PTPRO: variants seen among roughly 807,000 people sequenced by gnomAD.
PTPRO encodes receptor-type tyrosine-protein phosphatase O.
A neutral mutation model predicts 145.2 loss-of-function variants in PTPRO; 62 were observed. That is an observed-to-expected ratio of 0.43 (90% CI 0.35 to 0.53). The LOEUF is 0.53. Among genes scored for constraint, PTPRO ranks in the 20% least tolerant of loss-of-function variants. PTPRO has a pLI of 0.01. For missense variants in PTPRO, 1,345 were observed against 1,482.7 expected, an observed-to-expected ratio of 0.91 and a Z score of 1.53; for synonymous variants, 565 against 514.7, an observed-to-expected ratio of 1.10 and a Z score of -1.32.
intron 1 of PTPRO, among the ~76,000 whole-genome samples, chr12:15,406,093 C>CA (rs1939640588): frequency 6.6e-6 from 1 of 152,162 alleles, no homozygotes; most frequent in South Asian, 2.1e-4. Context: ...TACCATCCCA[C>CA]AAGAAGTCAG....
At chr12:15,517,637 C>T (rs1942627321) in intron 9 of PTPRO, among the ~76,000 whole-genome samples, 1 of 152,166 alleles carries the variant, frequency 6.6e-6, no homozygotes, top group Admixed American at 6.5e-5. Flanking sequence ...CAGGCATTGA[C>T]ACAGCTGTTC....
chr12:15,499,457 A>G lies in PTPRO; in HGVS notation c.524A>G (p.Lys175Arg), dbSNP rs904060085. Residue 175 changes from lysine to arginine, a missense_variant, in exon 4 of 27, where the codon AAA (lysine) becomes AGA (arginine). Physicochemically the swap from Lys to Arg is conservative, Grantham distance 26. Coordinates refer to ENST00000281171, the MANE Select transcript of PTPRO (RefSeq NM_030667.3). ...CTCTTCACAGATTTCTTTAAGGGAA[A>G]AACAGTATTTAATCACTGGCTGCCA... ...TMLYKDFFKG[K>R]TVFNHWLPGM... 1 of 1,613,470 alleles carries G rather than the reference A, an allele frequency of 6.2e-7. No individual in the cohort carries two copies. Among genetic ancestry groups the G allele is most frequent in the Admixed American group, 1.7e-5 (1 of 60,018 alleles).
At chr12:15,573,562 T>C (rs1944109584) in intron 19 of PTPRO, among the ~76,000 whole-genome samples, 1 of 152,214 alleles carries the variant, frequency 6.6e-6, no homozygotes, top group Non-Finnish European at 1.5e-5. Flanking sequence ...ATGTAATTAA[T>C]TGGGTGGTAA....
Position 15,455,314 on chromosome 12 carries a change from C to G in PTPRO, c.76-28660C>G, listed in dbSNP as rs543515756. 9.9e-5 allele frequency among the ~76,000 whole-genome samples: 15 copies of G among 151,856 alleles called. No homozygotes were observed. In the South Asian group the frequency reaches 1.9e-3, roughly 19 times the overall value. Reference sequence around the variant, plus strand: ...TTCACCTCCCCACTGCCCCTTCCCCCCCACACACACAATACCTGAAATCTC... The same window carrying G: ...TTCACCTCCCCACTGCCCCTTCCCCGCCACACACACAATACCTGAAATCTC... On this transcript the variant is annotated intron_variant, in intron 1 of 26. Coordinates refer to ENST00000281171, the MANE Select transcript of PTPRO (RefSeq NM_030667.3).
At chr12:15,383,603 C>G (rs4435054) in intron 1 of PTPRO, among the ~76,000 whole-genome samples, 2 of 152,102 alleles carry the variant, frequency 1.3e-5, no homozygotes, top group East Asian at 3.9e-4. Context: ...TGGGTTACAC[C>G]TTAATTTTAA....
chr12:15,477,376 A>G (rs1941678760), intron 1 of PTPRO, among the ~76,000 whole-genome samples: 1 of 141,618 alleles, frequency 7.1e-6, no homozygotes, highest in South Asian at 2.5e-4. Flanking sequence ...GGGGAGGGAT[A>G]GCATTGGGAG....
At chr12:15,412,218 C>T (rs540798926) in intron 1 of PTPRO, among the ~76,000 whole-genome samples, 2 of 152,320 alleles carry the variant, frequency 1.3e-5, no homozygotes, top group African/African-American at 4.8e-5. Flanking sequence ...GCTACTCCTC[C>T]TTTTGAAAAC....
chr12:15,556,508 GAA>G (rs75654902), intron 15 of PTPRO, among the ~76,000 whole-genome samples: 2 of 135,518 alleles, frequency 1.5e-5, no homozygotes, highest in African/African-American at 2.7e-5. Context: ...TCTACTTCTG[GAA>G]AAAAAAAAAA....
chr12:15,399,599 G>A (rs373965413), intron 1 of PTPRO, among the ~76,000 whole-genome samples: 3 of 152,030 alleles, frequency 2.0e-5, no homozygotes, highest in Non-Finnish European at 2.9e-5. Flanking sequence ...ACATATAATC[G>A]TTAATTAATG....
chr12:15,581,787 TTCCGGA>T lies in PTPRO; in HGVS notation c.3244_3249del (p.Arg1082_Ile1083del). On this transcript the variant is annotated inframe_deletion, in exon 23 of 27. Transcript: ENST00000281171. ...GCAGGACGACTGGGCCTGTAGACACTTCCGGATCAACTATGTAAGTCACCAGGCAGA... is the reference window on the plus strand; with the variant it reads ...GCAGGACGACTGGGCCTGTAGACACTTCAACTATGTAAGTCACCAGGCAGA... 6.2e-7 allele frequency: 1 copy of T among 1,613,924 alleles called. No individual in the cohort carries two copies. The highest frequency in any genetic ancestry group is 8.5e-7 in the Non-Finnish European group (1 of 1,179,860).
At chr12:15,504,730 T>C (rs1942287852) in intron 6 of PTPRO, among the ~76,000 whole-genome samples, 1 of 152,212 alleles carries the variant, frequency 6.6e-6, no homozygotes, top group Non-Finnish European at 1.5e-5. Context: ...TCAGGAGTTA[T>C]ATGTGCCTCC....
intron 1 of PTPRO, among the ~76,000 whole-genome samples, chr12:15,406,143 C>T (rs551415235): frequency 6.6e-6 from 1 of 152,226 alleles, no homozygotes; most frequent in East Asian, 1.9e-4. Context: ...CATCAGAGTC[C>T]ATTGTTGTAT....
At chr12:15,580,955 A>G (rs1944298886) in intron 22 of PTPRO, 124 bp downstream of exon 22, 1 of 1,334,304 alleles carries the variant, frequency 7.5e-7, no homozygotes, top group Non-Finnish European at 1.1e-6. Flanking sequence ...AATTTAAAAC[A>G]TTGTATTCGG....
At chr12:15,361,468 A>G (rs1938209347) in intron 1 of PTPRO, among the ~76,000 whole-genome samples, 1 of 151,624 alleles carries the variant, frequency 6.6e-6, no homozygotes, top group African/African-American at 2.4e-5. Flanking sequence ...AGAAAGAAAA[A>G]GAAAAAACAA....
At chr12:15,561,060 T>G (rs1057137175) in intron 17 of PTPRO, among the ~76,000 whole-genome samples, 1 of 152,114 alleles carries the variant, frequency 6.6e-6, no homozygotes, top group Non-Finnish European at 1.5e-5. Flanking sequence ...AATTAAGAAC[T>G]CTTTCTTTTC....
chr12:15,432,652 C>T (rs536792929), intron 1 of PTPRO, among the ~76,000 whole-genome samples: 2 of 152,198 alleles, frequency 1.3e-5, no homozygotes, highest in Non-Finnish European at 1.5e-5. Flanking sequence ...TCTCCGCAAC[C>T]TTGCCAGTAT....
chr12:15,377,117 G>A (rs182031652), intron 1 of PTPRO, among the ~76,000 whole-genome samples: 106 of 152,128 alleles, frequency 7.0e-4, no homozygotes, highest in Admixed American at 6.2e-3. Flanking sequence ...TTAACTTAGC[G>A]TTAATATGAA....
chr12:15,550,219 T>C (rs1313119294), intron 14 of PTPRO, among the ~76,000 whole-genome samples: 3 of 152,212 alleles, frequency 2.0e-5, no homozygotes, highest in African/African-American at 7.2e-5. Context: ...TTATATATTG[T>C]ATTCTTACAA....
intron 2 of PTPRO, among the ~76,000 whole-genome samples, chr12:15,494,041 G>T (rs1000072749): frequency 3.3e-5 from 5 of 152,050 alleles, no homozygotes; most frequent in Admixed American, 3.3e-4. Context: ...TTTAAAACAT[G>T]AAACAATGTT....
Sources: allele counts gnomAD v4.1 joint callset (sites outside exome capture counted in the v4.1 genomes callset), GRCh38; gene constraint gnomAD v4.1.1; transcripts MANE v1.5; gene names NCBI Gene and HGNC (gene_info 2026-07-23, HGNC 2026-07-21).